The following ARHGEF10 variants were observed in gnomAD, a reference collection of about 807,000 sequenced individuals.
ARHGEF10 encodes Rho guanine nucleotide exchange factor (GEF) 10.
In ARHGEF10, 140 loss-of-function variants were observed where a neutral mutation model predicts 147.4. That is an observed-to-expected ratio of 0.95 (90% CI 0.83 to 1.09). The LOEUF is 1.09. Among genes scored for constraint, ARHGEF10 ranks in the 50% least tolerant of loss-of-function variants. The pLI, the probability that ARHGEF10 is intolerant of heterozygous loss-of-function variation, is 0.00. For synonymous variants in ARHGEF10, 902 were observed against 695.8 expected (o/e 1.30, Z -4.67); for missense variants, 2,222 against 1,752.7 (o/e 1.27, Z -4.78).
chr8:1,881,783 A>T (rs1000828330), intron 9 of ARHGEF10, among the ~76,000 whole-genome samples: 2 of 152,148 alleles, frequency 1.3e-5, no homozygotes, highest in African/African-American at 4.8e-5. Flanking sequence ...CGGTGGTGTG[A>T]CCCAGATGAG....
intron 1 of ARHGEF10, among the ~76,000 whole-genome samples, chr8:1,836,873 A>T (rs1803614426): frequency 6.6e-6 from 1 of 151,992 alleles, no homozygotes; most frequent in South Asian, 2.1e-4. Context: ...ACGAGATCTG[A>T]TGGGTTTATC....
At chr8:1,945,686 G>C in intron 27 of ARHGEF10, 31 bp downstream of exon 27, 1 of 1,612,782 alleles carries the variant, frequency 6.2e-7, no homozygotes, top group Non-Finnish European at 8.5e-7. Context: ...CCAGGGATGG[G>C]ACAGCAACCG....
At chr8:1,954,118 T>G (rs1815287561) in intron 28 of ARHGEF10, among the ~76,000 whole-genome samples, 1 of 152,050 alleles carries the variant, frequency 6.6e-6, no homozygotes, top group African/African-American at 2.4e-5. Context: ...TTTTGAGACG[T>G]AGTCTCACTC....
intron 16 of ARHGEF10, chr8:1,903,769 A>G (rs1810670379): frequency 4.9e-6 from 2 of 408,166 alleles, no homozygotes; most frequent in Admixed American, 4.0e-5. Context: ...AAATAACGGT[A>G]TTTAATTTCA....
chr8:1,941,366 T>C (rs537861245), intron 26 of ARHGEF10, among the ~76,000 whole-genome samples: 7 of 152,224 alleles, frequency 4.6e-5, no homozygotes, highest in Admixed American at 3.9e-4. Context: ...TATAATGCTG[T>C]CAGAAAGAAA....
intron 21 of ARHGEF10, 70 bp from the exon 22 acceptor site, chr8:1,925,213 T>C: frequency 6.2e-7 from 1 of 1,601,890 alleles, no homozygotes; most frequent in Non-Finnish European, 8.5e-7. Flanking sequence ...TGCTATGACC[T>C]GTGGAGCTGC....
In ARHGEF10 at chr8:1,937,056, T is replaced by G. The variant is rs1813675311; in HGVS notation, c.3222+3114T>G. 6.6e-6 allele frequency among the ~76,000 whole-genome samples: 1 copy of G among 152,196 alleles called. No homozygotes were observed. On this transcript the variant is annotated intron_variant, in intron 26 of 28. Coordinates refer to ENST00000349830, the MANE Select transcript of ARHGEF10 (RefSeq NM_014629.4). The surrounding 1 kb of genome is among the most constrained non-coding windows in gnomAD (Gnocchi z 4.9). Reference sequence around the variant, plus strand: ...ATGAATAGCATTCCCGCGTGAGTCTTTTTTTGACACAGCCTCCCCGACGTC... The same window carrying G: ...ATGAATAGCATTCCCGCGTGAGTCTGTTTTTGACACAGCCTCCCCGACGTC...
At chr8:1,872,508 C>G (rs920137238) in intron 7 of ARHGEF10, among the ~76,000 whole-genome samples, 1 of 152,178 alleles carries the variant, frequency 6.6e-6, no homozygotes, top group Non-Finnish European at 1.5e-5. Flanking sequence ...CAGCATGACC[C>G]TAACAAGTAA....
intron 25 of ARHGEF10, among the ~76,000 whole-genome samples, chr8:1,932,085 C>G (rs952857458): frequency 7.2e-5 from 11 of 152,192 alleles, no homozygotes; most frequent in Non-Finnish European, 1.2e-4. Flanking sequence ...GAGCTCTGAC[C>G]TAGGATTCAC....
chr8:1,905,819 G>A, intron 17 of ARHGEF10, 103 bp downstream of exon 17: 1 of 1,458,186 alleles, frequency 6.9e-7, no homozygotes, highest in Non-Finnish European at 9.5e-7. Context: ...AGACTGAACT[G>A]GTTTTTTGTG....
intron 4 of ARHGEF10, among the ~76,000 whole-genome samples, chr8:1,860,457 C>T (rs1218516636): frequency 6.9e-6 from 1 of 144,552 alleles, no homozygotes; most frequent in Non-Finnish European, 1.5e-5. Flanking sequence ...CCTGACCTTC[C>T]CTCCTCCTCC....
At chr8:1,857,878 CGAT>C (rs1805683094) in intron 2 of ARHGEF10, 79 bp from the exon 3 acceptor site, 3 of 884,004 alleles carry the variant, frequency 3.4e-6, no homozygotes, top group African/African-American at 2.5e-5. Context: ...ATAGATCGAT[CGAT>C]CTATCTATCT....
At chr8:1,943,937 T>TG (rs1168886424) in intron 26 of ARHGEF10, 1 of 152,248 alleles carries the variant, frequency 6.6e-6, no homozygotes, top group Non-Finnish European at 1.5e-5. Context: ...TCAGGGGACC[T>TG]GGGGGGTTCC....
At chr8:1,901,357 G>A (rs918509311) in intron 15 of ARHGEF10, among the ~76,000 whole-genome samples, 1 of 152,086 alleles carries the variant, frequency 6.6e-6, no homozygotes, top group African/African-American at 2.4e-5. Context: ...GTTCTTCCTG[G>A]TTAGTGCTCC....
intron 2 of ARHGEF10, among the ~76,000 whole-genome samples, chr8:1,849,795 CG>C (rs1804893127): frequency 8.3e-6 from 1 of 120,120 alleles, no homozygotes; most frequent in Admixed American, 8.7e-5. Flanking sequence ...CTGAGGAGGG[CG>C]TGGGCCGGCT....
chr8:1,932,886 G>A (rs1813266267), intron 25 of ARHGEF10, among the ~76,000 whole-genome samples: 1 of 152,212 alleles, frequency 6.6e-6, no homozygotes, highest in East Asian at 1.9e-4. Flanking sequence ...CGACGGCATT[G>A]ATGGATTAAT....
chr8:1,905,827 G>T (rs1235462548), intron 17 of ARHGEF10, 111 bp downstream of exon 17: 4 of 1,395,074 alleles, frequency 2.9e-6, no homozygotes, highest in South Asian at 2.3e-5. Flanking sequence ...CTGGTTTTTT[G>T]TGCCAAAGCT....
intron 1 of ARHGEF10, among the ~76,000 whole-genome samples, chr8:1,837,836 T>G (rs1306247393): frequency 6.6e-6 from 1 of 152,152 alleles, no homozygotes; most frequent in Admixed American, 6.5e-5. Flanking sequence ...GACCTTTGTT[T>G]CTTCAGCAGT....
intron 11 of ARHGEF10, among the ~76,000 whole-genome samples, chr8:1,890,003 A>G (rs1419900784): frequency 7.2e-6 from 1 of 138,954 alleles, no homozygotes. Flanking sequence ...GCAATCTGTG[A>G]GGAGACACTG....
Sources: gnomAD v4.1 joint callset for allele counts (sites outside exome capture counted in the v4.1 genomes callset) on GRCh38, gnomAD v4.1.1 for gene constraint, Gnocchi (gnomAD v3.1) non-coding constraint, MANE v1.5 for transcripts, NCBI Gene and HGNC (gene_info 2026-07-23, HGNC 2026-07-21) for gene names.